Variants in TNRC6A observed in about 807,000 individuals in gnomAD.
TNRC6A encodes trinucleotide repeat containing adaptor 6A, also known as trinucleotide repeat-containing gene 6A protein.
Under a neutral mutation model 221.2 loss-of-function variants are expected in TNRC6A, and 44 were observed. The ratio of observed to expected loss-of-function variants is 0.20; its 90% CI spans 0.16 to 0.26. The LOEUF is 0.26. Ranked by LOEUF, TNRC6A falls within the 10% of genes least tolerant of loss-of-function variation. The pLI, the probability that TNRC6A is intolerant of heterozygous loss-of-function variation, is 1.00. For synonymous variants in TNRC6A, 847 were observed against 838.5 expected, an observed-to-expected ratio of 1.01 and a Z score of -0.18; for missense variants, 2,199 against 2,404.4, an observed-to-expected ratio of 0.91 and a Z score of 1.79.
chr16:24,818,759 G>A (rs2058706132), intron 21 of TNRC6A, 59 bp downstream of exon 21: 3 of 1,254,240 alleles, frequency 2.4e-6, no homozygotes, highest in South Asian at 2.4e-5. Flanking sequence ...CGCGGCTGTT[G>A]TTTTAATGCC....
intron 1 of TNRC6A, among the ~76,000 whole-genome samples, chr16:24,613,115 CAAAAAAAAA>C (rs553122873): frequency 1.7e-3 from 97 of 55,700 alleles, no homozygotes; most frequent in Admixed American, 3.6e-3. Context: ...GACTCTGTCT[CAAAAAAAAA>C]AAAAAAAAAA....
rs2058852886 is a variant in TNRC6A at position 24,826,015 on chromosome 16, A to G, written c.*2208A>G. ...AAATGTTATTCAGTGCGTTCAATGT[A>G]TATTGACTTCCATACTGGTTTTTCC... is the stretch of plus-strand genomic sequence containing the variant. On this transcript the variant is annotated 3_prime_UTR_variant, in exon 25 of 25. Coordinates refer to ENST00000395799, the MANE Select transcript of TNRC6A (RefSeq NM_014494.4). 6.5e-6 allele frequency: 1 copy of G among 152,678 alleles called. No individual in the cohort carries two copies. The highest frequency in any genetic ancestry group is 1.5e-5 in the Non-Finnish European group (1 of 68,040). 9.5% of individuals were successfully genotyped at this position (152,678 alleles called of 1,614,324 possible).
At chr16:24,733,506 A>G (rs1166694823) in intron 2 of TNRC6A, among the ~76,000 whole-genome samples, 1 of 152,238 alleles carries the variant, frequency 6.6e-6, no homozygotes, top group Non-Finnish European at 1.5e-5. Context: ...CATGAGGGCG[A>G]TTACCATTAG....
chr16:24,805,504 CCACAAA>C, intron 14 of TNRC6A, 95 bp from the exon 15 acceptor site: 1 of 1,485,714 alleles, frequency 6.7e-7, no homozygotes, highest in Non-Finnish European at 9.2e-7. Context: ...AATGAATAGT[CCACAAA>C]TTTAACTGCT....
intron 2 of TNRC6A, among the ~76,000 whole-genome samples, chr16:24,736,249 T>C (rs1482420967): frequency 6.6e-6 from 1 of 152,192 alleles, no homozygotes; most frequent in Non-Finnish European, 1.5e-5. Context: ...TTACCTAGTT[T>C]TAGTGATTAT....
At chr16:24,759,065 C>CA (rs1162772441) in intron 4 of TNRC6A, among the ~76,000 whole-genome samples, 2 of 151,144 alleles carry the variant, frequency 1.3e-5, no homozygotes, top group Non-Finnish European at 3.0e-5. Context: ...TCTTACCCCT[C>CA]AAAAAAAAGA....
At chr16:24,733,913 C>T (rs536621386) in intron 2 of TNRC6A, among the ~76,000 whole-genome samples, 22 of 152,290 alleles carry the variant, frequency 1.4e-4, no homozygotes, top group African/African-American at 3.9e-4. Flanking sequence ...CAGTGGCTAA[C>T]GCCTGTAATC....
At position 24,776,925 on chromosome 16, in the gene TNRC6A, G is replaced by A. The variant is rs2057730481; in HGVS notation, c.164-8G>A. ...TCTTTTCCACCCCTTTTCTTTTGTTGGGATTAGTGCCAGAACAGATAAAGC... is the reference window on the plus strand; with the variant it reads ...TCTTTTCCACCCCTTTTCTTTTGTTAGGATTAGTGCCAGAACAGATAAAGC... On this transcript the variant is annotated splice_polypyrimidine_tract_variant and splice_region_variant and intron_variant, in intron 4 of 24. Coordinates refer to ENST00000395799, the MANE Select transcript of TNRC6A (RefSeq NM_014494.4). The A allele has an allele frequency of 2.5e-6, 4 of 1,601,426 alleles. No homozygotes were observed. Among genetic ancestry groups the A allele is most frequent in the African/African-American group, 1.3e-5 (1 of 74,524 alleles).
intron 2 of TNRC6A, among the ~76,000 whole-genome samples, chr16:24,701,861 A>G (rs971195419): frequency 2.0e-5 from 3 of 151,802 alleles, no homozygotes; most frequent in Non-Finnish European, 4.4e-5. Context: ...GAGAGACTGG[A>G]CTCCTTCCAA....
At chr16:24,638,717 A>T (rs1901771119) in intron 1 of TNRC6A, among the ~76,000 whole-genome samples, 1 of 152,062 alleles carries the variant, frequency 6.6e-6, no homozygotes, top group Non-Finnish European at 1.5e-5. Flanking sequence ...TCTCAAAAAA[A>T]AAAACAAAAA....
intron 2 of TNRC6A, among the ~76,000 whole-genome samples, chr16:24,748,890 T>G (rs1326936212): frequency 1.3e-5 from 2 of 152,184 alleles, no homozygotes; most frequent in Non-Finnish European, 2.9e-5. Context: ...ATTCCTTTTT[T>G]TTGAAACAGA....
rs746275133 is a variant in TNRC6A, at chr16:24,797,897, T to C, written c.3643-18T>C. On this transcript the variant is annotated intron_variant, in intron 10 of 24. Transcript: ENST00000395799. ...GATAAATTAAGGTCTGCTAACATGC[T>C]GCATTTTCTTTCTTCAGAGAGACTC... The C allele has an allele frequency of 6.2e-7, 1 of 1,600,010 alleles. No homozygotes were observed. Among genetic ancestry groups the C allele is most frequent in the Non-Finnish European group, 8.5e-7 (1 of 1,172,842 alleles).
chr16:24,699,366 A>G (rs2055924097), intron 2 of TNRC6A, among the ~76,000 whole-genome samples: 2 of 152,146 alleles, frequency 1.3e-5, no homozygotes. Context: ...GGAAGAAAAG[A>G]GCCAGATGAG....
At position 24,804,315 on chromosome 16, in the gene TNRC6A, A is replaced by G. The variant is rs769942639; in HGVS notation, c.3833A>G (p.Asp1278Gly). The G allele has an allele frequency of 6.2e-7, 1 of 1,611,920 alleles. No homozygotes were observed. Among genetic ancestry groups the G allele is most frequent in the Non-Finnish European group, 8.5e-7 (1 of 1,179,576 alleles). The change falls in exon 12 of 25, where the codon GAT becomes GGT. Residue 1278 changes from aspartate to glycine, a missense_variant. Physicochemically the swap from Asp to Gly is moderately conservative, Grantham distance 94. Coordinates refer to ENST00000395799, the MANE Select transcript of TNRC6A (RefSeq NM_014494.4). ...TCCATGGAGCGCAATCCTTATTTTGATAAGGTAAGGTTTTTTACTTTTACC... is the reference window on the plus strand; with the variant it reads ...TCCATGGAGCGCAATCCTTATTTTGGTAAGGTAAGGTTTTTTACTTTTACC... ...ESSMERNPYFDKDGIVADESQ... is the reference protein window; with the variant it reads ...ESSMERNPYFGKDGIVADESQ...
chr16:24,804,439 T>A, intron 12 of TNRC6A, 120 bp downstream of exon 12: 1 of 1,251,026 alleles, frequency 8.0e-7, no homozygotes, highest in Non-Finnish European at 1.1e-6. Flanking sequence ...CTACCAAATC[T>A]TATTACTGGA....
intron 3 of TNRC6A, among the ~76,000 whole-genome samples, chr16:24,757,937 C>T (rs1240398345): frequency 6.6e-6 from 1 of 152,144 alleles, no homozygotes; most frequent in African/African-American, 2.4e-5. Context: ...CTTTTTATCA[C>T]TTGTAACAAT....
At chr16:24,762,351 A>G (rs920050794) in intron 4 of TNRC6A, among the ~76,000 whole-genome samples, 4 of 152,218 alleles carry the variant, frequency 2.6e-5, no homozygotes, top group Admixed American at 1.3e-4. Flanking sequence ...TGCATGTCAA[A>G]TCATATTGTA....
chr16:24,779,795 G>A (rs2057801505), intron 5 of TNRC6A, among the ~76,000 whole-genome samples: 1 of 152,122 alleles, frequency 6.6e-6, no homozygotes. Context: ...AGAACATAGT[G>A]TTGGCTTGGT....
chr16:24,708,943 T>A (rs2056151124), intron 2 of TNRC6A, among the ~76,000 whole-genome samples: 1 of 152,184 alleles, frequency 6.6e-6, no homozygotes, highest in African/African-American at 2.4e-5. Flanking sequence ...AATTGTGAAT[T>A]GTGCTGCCAT....
Sources: gnomAD v4.1 joint callset for allele counts (sites outside exome capture counted in the v4.1 genomes callset) on GRCh38, gnomAD v4.1.1 for gene constraint, MANE v1.5 for transcripts, NCBI Gene and HGNC (gene_info 2026-07-23, HGNC 2026-07-21) for gene names.